Variants in ATP13A5 observed in about 807,000 individuals in gnomAD.
ATP13A5 encodes the protein ATPase 13A5, also known as probable cation-transporting ATPase 13A5.
In ATP13A5, 149 loss-of-function variants were observed where a neutral mutation model predicts 150.2. The ratio of observed to expected loss-of-function variants is 0.99; its 90% CI spans 0.87 to 1.14. The LOEUF (loss-of-function observed/expected upper bound fraction) is 1.14, where lower values mean the gene tolerates loss of function less well. ATP13A5 is among the 50% of genes most tolerant of loss of function. The probability of loss-of-function intolerance (pLI) is 0.00; values close to 1 mark genes in which losing one functional copy is unlikely to be tolerated. For missense variants in ATP13A5, 1,383 were observed against 1,449.3 expected (o/e 0.95, Z 0.74); for synonymous variants, 497 against 522.2 (o/e 0.95, Z 0.66).
At chr3:193,297,388 T>C (rs1382454348) in intron 25 of ATP13A5, among the ~76,000 whole-genome samples, 1 of 152,042 alleles carries the variant, frequency 6.6e-6, no homozygotes, top group Non-Finnish European at 1.5e-5. Context: ...TACCTAGACT[T>C]GACCAGGAAA....
At chr3:193,331,620 G>A (rs982105083) in intron 11 of ATP13A5, among the ~76,000 whole-genome samples, 20 of 152,098 alleles carry the variant, frequency 1.3e-4, no homozygotes, top group African/African-American at 4.1e-4. Context: ...CCTAGCATGG[G>A]ATTTAGCACA....
At chr3:193,339,044 G>A (rs1294373419) in intron 9 of ATP13A5, among the ~76,000 whole-genome samples, 1 of 152,152 alleles carries the variant, frequency 6.6e-6, no homozygotes, top group African/African-American at 2.4e-5. Flanking sequence ...AGTATTCTCT[G>A]ATGGTAGTTT....
intron 1 of ATP13A5, among the ~76,000 whole-genome samples, chr3:193,365,613 T>C (rs1171823073): frequency 6.6e-6 from 1 of 152,152 alleles, no homozygotes; most frequent in Non-Finnish European, 1.5e-5. Flanking sequence ...GTCATAAATA[T>C]ACATTCTTTT....
chr3:193,341,803 T>C (rs1030660580), intron 9 of ATP13A5, among the ~76,000 whole-genome samples: 1 of 152,192 alleles, frequency 6.6e-6, no homozygotes, highest in African/African-American at 2.4e-5. Flanking sequence ...AAAATAAAGG[T>C]AAACTTCTTG....
Position 193,289,770 on chromosome 3 carries a change from C to A in ATP13A5, c.3023+115G>T. On this transcript the variant is annotated intron_variant, in intron 26 of 29. Transcript: ENST00000342358. Reference sequence around the variant, plus strand: ...CTGTCCCATCATTTGAGTTTTGCAGCGACACAATTTGATTAATTAAAAGTT... The same window carrying A: ...CTGTCCCATCATTTGAGTTTTGCAGAGACACAATTTGATTAATTAAAAGTT... The A allele has an allele frequency of 3.9e-6, 4 of 1,012,696 alleles. No individual in the cohort carries two copies. The South Asian group carries it at 7.5e-5, about 19-fold the overall frequency. The allele number at this position is 1,012,696 out of a possible 1,614,324, so 62.7% of individuals were successfully genotyped here.
At chr3:193,284,650 C>G (rs933097225) in intron 27 of ATP13A5, among the ~76,000 whole-genome samples, 1 of 152,180 alleles carries the variant, frequency 6.6e-6, no homozygotes, top group Non-Finnish European at 1.5e-5. Flanking sequence ...TCTTCACATG[C>G]ATGTATGTGT....
intron 10 of ATP13A5, 43 bp from the exon 11 acceptor site, chr3:193,333,950 A>G (rs770240404): frequency 1.3e-6 from 2 of 1,573,182 alleles, no homozygotes; most frequent in Non-Finnish European, 1.7e-6. Flanking sequence ...TGCTTGATGG[A>G]CACTTGGTCT....
chr3:193,332,783 T>C (rs1711685313), intron 11 of ATP13A5, among the ~76,000 whole-genome samples: 1 of 152,130 alleles, frequency 6.6e-6, no homozygotes, highest in Non-Finnish European at 1.5e-5. Flanking sequence ...AGTTGGGGTC[T>C]GGGATTATTA....
chr3:193,278,674 C>G (rs561929485), intron 28 of ATP13A5, among the ~76,000 whole-genome samples: 1 of 152,344 alleles, frequency 6.6e-6, no homozygotes, highest in Admixed American at 6.5e-5. Flanking sequence ...TGAAATGCCT[C>G]CCATGACAGC....
chr3:193,349,097 T>A (rs1475344797), intron 7 of ATP13A5, among the ~76,000 whole-genome samples: 2 of 152,160 alleles, frequency 1.3e-5, no homozygotes, highest in African/African-American at 4.8e-5. Context: ...CCTAAACAGA[T>A]GTTGATGAAT....
chr3:193,326,271 G>A (rs1719464402), intron 13 of ATP13A5, among the ~76,000 whole-genome samples: 1 of 152,080 alleles, frequency 6.6e-6, no homozygotes, highest in African/African-American at 2.4e-5. Context: ...AGAAGCCACA[G>A]GGAGATACCA....
chr3:193,374,303 G>C (rs2367608), intron 1 of ATP13A5, among the ~76,000 whole-genome samples: 6,062 of 75,706 alleles, frequency 0.08, 196 homozygotes, highest in African/African-American at 0.2. Flanking sequence ...CACACACACA[G>C]AGAGAGAGAG....
chr3:193,363,177 C>A, intron 3 of ATP13A5, 59 bp downstream of exon 3: 1 of 1,527,332 alleles, frequency 6.5e-7, no homozygotes. Flanking sequence ...ATTTAATAAA[C>A]AGTTATTTTA....
chr3:193,327,009 TA>T lies in ATP13A5; in HGVS notation c.1509del (p.Thr504LeufsTer33), dbSNP rs1216501825. The T allele has an allele frequency of 5.0e-6, 8 of 1,613,942 alleles. No individual in the cohort carries two copies. The highest frequency in any genetic ancestry group is 5.1e-6 in the Non-Finnish European group (6 of 1,179,912). On this transcript the variant is annotated frameshift_variant, in exon 13 of 30. Transcript: ENST00000342358. LOFTEE classifies it high-confidence loss of function. ...TAAGAGGCCTACCAGTTGTCAGCAG[TA>T]GGGACAGTCCCCCAGAGGTCCAGCC... ...EDGLDLWGTV[P>X]TADNCFQEAH...
At chr3:193,371,084 A>G (rs1428716240) in intron 1 of ATP13A5, among the ~76,000 whole-genome samples, 1 of 152,204 alleles carries the variant, frequency 6.6e-6, no homozygotes, top group Non-Finnish European at 1.5e-5. Flanking sequence ...GAGAGCTGTA[A>G]GTGTGGGTCA....
chr3:193,338,948 C>T (rs1190677876), intron 9 of ATP13A5, among the ~76,000 whole-genome samples: 2 of 152,108 alleles, frequency 1.3e-5, no homozygotes, highest in South Asian at 2.1e-4. Flanking sequence ...CAACTTCTTC[C>T]TGGTTTAGTC....
chr3:193,284,824 G>T, intron 27 of ATP13A5, 90 bp downstream of exon 27: 2 of 1,072,278 alleles, frequency 1.9e-6, no homozygotes, highest in Non-Finnish European at 2.7e-6. Context: ...TTCTTCCTCA[G>T]CCCATCATTT....
At chr3:193,335,703 A>C (rs1253004247) in intron 9 of ATP13A5, among the ~76,000 whole-genome samples, 1 of 152,146 alleles carries the variant, frequency 6.6e-6, no homozygotes, top group Non-Finnish European at 1.5e-5. Flanking sequence ...TTTTGCTCAA[A>C]ATCGTTAGCC....
intron 21 of ATP13A5, 53 bp from the exon 22 acceptor site, chr3:193,307,422 C>T: frequency 6.3e-7 from 1 of 1,596,860 alleles, no homozygotes; most frequent in Non-Finnish European, 8.6e-7. Flanking sequence ...GAACAGCTCA[C>T]TTGAATATTT....
Sources: allele counts gnomAD v4.1 joint callset (sites outside exome capture counted in the v4.1 genomes callset), GRCh38; gene constraint gnomAD v4.1.1; transcripts MANE v1.5; gene names NCBI Gene and HGNC (gene_info 2026-07-23, HGNC 2026-07-21).